PLEKHA7: variants seen among roughly 807,000 people sequenced by gnomAD.
PLEKHA7 encodes pleckstrin homology domain containing A7, also known as pleckstrin homology domain-containing family A member 7.
PLEKHA7 carries 104 observed loss-of-function variants against 170.0 expected under a neutral mutation model. That is an observed-to-expected ratio of 0.61 (90% CI 0.52 to 0.72). PLEKHA7 has a LOEUF of 0.72. Ranked by LOEUF, PLEKHA7 falls within the 30% of genes least tolerant of loss-of-function variation. The pLI is 0.00. For missense variants in PLEKHA7, 1,615 were observed against 1,671.7 expected (o/e 0.97, Z 0.59); for synonymous variants, 648 against 660.8 (o/e 0.98, Z 0.30).
chr11:16,934,746 G>T (rs987833600), intron 3 of PLEKHA7, among the ~76,000 whole-genome samples: 6 of 152,102 alleles, frequency 3.9e-5, no homozygotes, highest in African/African-American at 1.4e-4. Flanking sequence ...TCAGTGTATG[G>T]TCTTCATATT....
At chr11:16,783,611 C>T (rs1284011809) in intron 25 of PLEKHA7, 89 bp downstream of exon 25, 2 of 1,300,708 alleles carry the variant, frequency 1.5e-6, no homozygotes, top group Non-Finnish European at 2.0e-6. Context: ...AAAACACGCA[C>T]CCCAGCCAGC....
At position 16,794,616 on chromosome 11, in the gene PLEKHA7, C is replaced by CTGTGGTGGG; in HGVS notation, c.2616_2617insCCCACCACA (p.Pro872_Val873insProThrThr). On this transcript the variant is annotated inframe_insertion, in exon 19 of 27. Coordinates refer to ENST00000531066, the MANE Select transcript of PLEKHA7 (RefSeq NM_001329630.2). Reference sequence around the variant, plus strand: ...AGTCGAACCTCCAGAGGGGTCCGCACAGGGCTGGTGGGAGGACTGGGCTGT... The same window carrying CTGTGGTGGG: ...AGTCGAACCTCCAGAGGGGTCCGCACTGTGGTGGGAGGGCTGGTGGGAGGACTGGGCTGT... 6.2e-7 allele frequency: 1 copy of CTGTGGTGGG among 1,613,604 alleles called. No homozygotes were observed. Among genetic ancestry groups the CTGTGGTGGG allele is most frequent in the Non-Finnish European group, 8.5e-7 (1 of 1,179,802 alleles).
intron 3 of PLEKHA7, among the ~76,000 whole-genome samples, chr11:16,997,522 A>T (rs1451594215): frequency 6.6e-6 from 1 of 152,102 alleles, no homozygotes; most frequent in East Asian, 1.9e-4. Flanking sequence ...CAGGAGGGAG[A>T]ATGCAGCTAA....
intron 3 of PLEKHA7, among the ~76,000 whole-genome samples, chr11:16,880,662 TAAGATC>T (rs1358996391): frequency 1.3e-5 from 2 of 152,194 alleles, no homozygotes; most frequent in African/African-American, 4.8e-5. Flanking sequence ...CAAAGTGGTT[TAAGATC>T]AAGAGGCACC....
At chr11:16,872,945 C>T (rs1250206482) in intron 3 of PLEKHA7, among the ~76,000 whole-genome samples, 1 of 152,048 alleles carries the variant, frequency 6.6e-6, no homozygotes, top group Non-Finnish European at 1.5e-5. Context: ...AAGATTTATA[C>T]TCTTCTAATG....
At chr11:16,818,890 G>A (rs1849988974) in intron 10 of PLEKHA7, among the ~76,000 whole-genome samples, 1 of 150,546 alleles carries the variant, frequency 6.6e-6, no homozygotes, top group Non-Finnish European at 1.5e-5. Flanking sequence ...TGCAACCTTC[G>A]CCTCCTGGGT....
At position 16,780,810 on chromosome 11, in the gene PLEKHA7, C is replaced by T. The variant is rs191008452; in HGVS notation, c.3794-1790G>A. Reference sequence around the variant, plus strand: ...CTACCAGTCAGAACAGTCCCGCCAGCGGCCGCTTTGCCAGTGGAAGGAGGC... The same window carrying T: ...CTACCAGTCAGAACAGTCCCGCCAGTGGCCGCTTTGCCAGTGGAAGGAGGC... On this transcript the variant is annotated intron_variant, in intron 26 of 26. Coordinates refer to ENST00000531066, the MANE Select transcript of PLEKHA7 (RefSeq NM_001329630.2). 20 of 178,560 alleles carry T rather than the reference C, an allele frequency of 1.1e-4. No individual in the cohort carries two copies. In the East Asian group the frequency reaches 1.7e-3, roughly 15 times the overall value. The allele number at this position is 178,560 out of a possible 1,614,324, so 11.1% of individuals were successfully genotyped here.
chr11:16,819,434 A>G (rs1850041921), intron 10 of PLEKHA7, among the ~76,000 whole-genome samples: 2 of 152,228 alleles, frequency 1.3e-5, no homozygotes, highest in African/African-American at 4.8e-5. Context: ...AAAATTAAGC[A>G]AGGGACAAAG....
At chr11:16,912,595 T>C (rs1252269544) in intron 3 of PLEKHA7, among the ~76,000 whole-genome samples, 2 of 152,180 alleles carry the variant, frequency 1.3e-5, no homozygotes, top group African/African-American at 4.8e-5. Context: ...AAGGAGGGAA[T>C]AGCAAAGTGT....
chr11:16,948,271 C>T (rs1388232651), intron 3 of PLEKHA7, among the ~76,000 whole-genome samples: 1 of 152,056 alleles, frequency 6.6e-6, no homozygotes, highest in East Asian at 1.9e-4. Flanking sequence ...ATGGTGAGTA[C>T]AGTAAATAAC....
intron 3 of PLEKHA7, among the ~76,000 whole-genome samples, chr11:16,988,623 T>C (rs1387864554): frequency 6.6e-6 from 1 of 151,336 alleles, no homozygotes; most frequent in Non-Finnish European, 1.5e-5. Context: ...ATTTTTTGTA[T>C]TTTTAGTAGA....
intron 19 of PLEKHA7, among the ~76,000 whole-genome samples, chr11:16,793,413 G>A (rs1037516106): frequency 2.6e-5 from 4 of 152,198 alleles, no homozygotes; most frequent in Admixed American, 6.5e-5. Flanking sequence ...GCTGGGTGCT[G>A]GGCCATATCC....
chr11:16,795,703 C>T (rs1441747701), intron 17 of PLEKHA7, among the ~76,000 whole-genome samples: 2 of 151,596 alleles, frequency 1.3e-5, no homozygotes, highest in African/African-American at 2.4e-5. Flanking sequence ...GCATGAGAAT[C>T]GCTTGAACCT....
chr11:16,837,037 T>C (rs1851570938), intron 9 of PLEKHA7, among the ~76,000 whole-genome samples: 1 of 152,160 alleles, frequency 6.6e-6, no homozygotes, highest in East Asian at 1.9e-4. Flanking sequence ...TTGGCCAGGC[T>C]GGTCTCGAAC....
At chr11:16,841,865 T>C (rs957536002) in intron 8 of PLEKHA7, 143 bp from the exon 9 acceptor site, 1 of 774,968 alleles carries the variant, frequency 1.3e-6, no homozygotes, top group African/African-American at 1.8e-5. Context: ...GAAAACATCA[T>C]AGGCTAGATT....
intron 3 of PLEKHA7, among the ~76,000 whole-genome samples, chr11:17,004,375 CT>C (rs1188137157): frequency 3.6e-5 from 5 of 140,118 alleles, no homozygotes; most frequent in African/African-American, 1.3e-4. Context: ...CAGTATACAC[CT>C]TTTTTTTCCT....
chr11:16,908,447 C>T (rs1565102732), intron 3 of PLEKHA7, among the ~76,000 whole-genome samples: 1 of 151,654 alleles, frequency 6.6e-6, no homozygotes, highest in African/African-American at 2.4e-5. Context: ...CCAAACCTGC[C>T]GACCCCTTGA....
At chr11:16,818,419 G>T (rs564141064) in intron 10 of PLEKHA7, among the ~76,000 whole-genome samples, 1 of 152,258 alleles carries the variant, frequency 6.6e-6, no homozygotes, top group African/African-American at 2.4e-5. Context: ...CCCTCCCCCT[G>T]CCTGGATGGT....
chr11:16,841,706 A>G lies in PLEKHA7; in HGVS notation c.713T>C (p.Met238Thr), dbSNP rs781126917. ...KYSFKAVHTG[M>T]RALIYNSSTA... ...GGAGCTGTTATAGATGAGCGCTCGC[A>G]TCCCCGTGTGCACAGCCTGTAGCAT... is the stretch of plus-strand genomic sequence containing the variant. The change falls in exon 9 of 27, where the codon ATG becomes ACG. Residue 238 changes from methionine (M) to threonine (T), a missense_variant. Coordinates refer to ENST00000531066, the MANE Select transcript of PLEKHA7 (RefSeq NM_001329630.2). The G allele has an allele frequency of 2.5e-6, 4 of 1,614,084 alleles. No homozygotes were observed. In the Admixed American group the frequency reaches 6.7e-5, roughly 27 times the overall value.
Sources: allele counts gnomAD v4.1 joint callset (sites outside exome capture counted in the v4.1 genomes callset), GRCh38; gene constraint gnomAD v4.1.1; transcripts MANE v1.5; gene names NCBI Gene and HGNC (gene_info 2026-07-23, HGNC 2026-07-21).